The following PPP2R3A variants were observed in gnomAD, a reference collection of about 807,000 sequenced individuals.
The protein encoded by PPP2R3A is protein phosphatase 2 regulatory subunit B''alpha.
In PPP2R3A, 80 loss-of-function variants were observed where a neutral mutation model predicts 106.9. The ratio of observed to expected loss-of-function variants is 0.75; its 90% CI spans 0.62 to 0.90. PPP2R3A has a LOEUF of 0.90. Among genes scored for constraint, PPP2R3A ranks in the 40% least tolerant of loss-of-function variants. The probability of loss-of-function intolerance (pLI) is 0.00; values close to 1 mark genes in which losing one functional copy is unlikely to be tolerated. For missense variants in PPP2R3A, 1,386 were observed against 1,350.4 expected (o/e 1.03, Z -0.41); for synonymous variants, 483 against 468.3 (o/e 1.03, Z -0.41).
At chr3:136,061,926 CAAAAA>C (rs369373163) in intron 5 of PPP2R3A, among the ~76,000 whole-genome samples, 1 of 84,164 alleles carries the variant, frequency 1.2e-5, no homozygotes, top group Admixed American at 1.4e-4. Context: ...GACTCTATCT[CAAAAA>C]AAAAAAAAAA....
intron 2 of PPP2R3A, among the ~76,000 whole-genome samples, chr3:136,008,539 T>G (rs532816975): frequency 6.6e-6 from 1 of 152,292 alleles, no homozygotes; most frequent in African/African-American, 2.4e-5. Context: ...CTCAAATATG[T>G]CCCCACCTAT....
intron 10 of PPP2R3A, among the ~76,000 whole-genome samples, chr3:136,098,342 A>G (rs1246590393): frequency 2.0e-5 from 3 of 152,218 alleles, no homozygotes; most frequent in Non-Finnish European, 4.4e-5. Flanking sequence ...AAACTTTTCA[A>G]GTATTACATG....
chr3:136,078,475 A>G (rs761405082), intron 7 of PPP2R3A, 22 bp downstream of exon 7: 6 of 1,403,628 alleles, frequency 4.3e-6, no homozygotes, highest in Non-Finnish European at 6.0e-6. Flanking sequence ...ATTAGAATTC[A>G]TGTGTAATGA....
At chr3:135,976,860 T>C (rs917042566) in intron 1 of PPP2R3A, among the ~76,000 whole-genome samples, 2 of 152,152 alleles carry the variant, frequency 1.3e-5, no homozygotes, top group African/African-American at 4.8e-5. Context: ...GTGAATAGTG[T>C]GAGGGAAGAA....
intron 5 of PPP2R3A, chr3:136,055,353 T>C (rs534456105): frequency 1.2e-5 from 11 of 951,646 alleles, no homozygotes; most frequent in South Asian, 1.0e-4. Flanking sequence ...TCTAAGAGTT[T>C]AGTTGCTACC....
chr3:136,001,128 C>G lies in PPP2R3A; in HGVS notation c.-371C>G. ...AGGACTCAGTTATCACAATACTTCT[C>G]TACTACCAACTAAGATTTATGATAG... is the stretch of plus-strand genomic sequence containing the variant. On this transcript the variant is annotated 5_prime_UTR_variant, in exon 2 of 14. Coordinates refer to ENST00000264977, the MANE Select transcript of PPP2R3A (RefSeq NM_002718.5). 2.5e-6 allele frequency: 1 copy of G among 403,510 alleles called. No individual in the cohort carries two copies. The highest frequency in any genetic ancestry group is 4.4e-6 in the Non-Finnish European group (1 of 229,472). The allele number at this position is 403,510 out of a possible 1,614,324, so 25.0% of individuals were successfully genotyped here.
chr3:136,142,161 A>G (rs758457506), intron 13 of PPP2R3A, among the ~76,000 whole-genome samples: 1 of 152,212 alleles, frequency 6.6e-6, no homozygotes, highest in Non-Finnish European at 1.5e-5. Context: ...GTACAAAACG[A>G]GAAGAGCTTA....
intron 2 of PPP2R3A, among the ~76,000 whole-genome samples, chr3:136,015,015 C>T (rs944518909): frequency 6.6e-6 from 1 of 152,012 alleles, no homozygotes; most frequent in African/African-American, 2.4e-5. Context: ...GCCGATTTTG[C>T]TGAGGTTTTA....
intron 13 of PPP2R3A, among the ~76,000 whole-genome samples, chr3:136,129,940 A>G (rs938355399): frequency 6.6e-6 from 1 of 152,232 alleles, no homozygotes; most frequent in African/African-American, 2.4e-5. Flanking sequence ...TAGATGCAGA[A>G]AAGGCCTTCA....
chr3:136,135,617 A>T, intron 13 of PPP2R3A, among the ~76,000 whole-genome samples: 1 of 151,968 alleles, frequency 6.6e-6, no homozygotes, highest in East Asian at 1.9e-4. Flanking sequence ...AGGTTACTTG[A>T]CTCCTGAGGC....
intron 1 of PPP2R3A, among the ~76,000 whole-genome samples, chr3:135,970,841 G>A (rs551738438): frequency 6.6e-6 from 1 of 152,260 alleles, no homozygotes; most frequent in East Asian, 1.9e-4. Flanking sequence ...CACGTTCTTA[G>A]GGGTCTTGTT....
chr3:135,967,876 T>C (rs997675908), intron 1 of PPP2R3A, among the ~76,000 whole-genome samples: 40 of 152,246 alleles, frequency 2.6e-4, no homozygotes, highest in African/African-American at 9.2e-4. Flanking sequence ...TGTGGAGGGC[T>C]ATCATGTGCA....
At chr3:136,070,592 G>A (rs1293291783) in intron 6 of PPP2R3A, 40 bp downstream of exon 6, 12 of 1,523,304 alleles carry the variant, frequency 7.9e-6, no homozygotes, top group Non-Finnish European at 1.1e-5. Context: ...AACTCCATAA[G>A]TCACCTTTTT....
At chr3:136,070,639 C>A in intron 6 of PPP2R3A, 87 bp downstream of exon 6, 1 of 1,030,066 alleles carries the variant, frequency 9.7e-7, no homozygotes, top group Non-Finnish European at 1.4e-6. Context: ...AGTATCTATG[C>A]AAAAGGTAAC....
chr3:136,077,709 T>G (rs913535548), intron 6 of PPP2R3A, among the ~76,000 whole-genome samples: 1 of 152,132 alleles, frequency 6.6e-6, no homozygotes, highest in Non-Finnish European at 1.5e-5. Flanking sequence ...AGCACACACA[T>G]CCTCAATCTA....
chr3:136,135,534 G>A (rs905159716), intron 13 of PPP2R3A, among the ~76,000 whole-genome samples: 2 of 152,088 alleles, frequency 1.3e-5, no homozygotes, highest in African/African-American at 4.8e-5. Flanking sequence ...TATCAGAAAG[G>A]GAGGAATGTT....
intron 2 of PPP2R3A, chr3:136,023,220 T>C: frequency 6.6e-7 from 1 of 1,524,456 alleles, no homozygotes; most frequent in Non-Finnish European, 8.9e-7. Flanking sequence ...TTTGGGTGTT[T>C]TGTTTTGTTT....
At chr3:136,031,174 A>G (rs1934876671) in intron 3 of PPP2R3A, among the ~76,000 whole-genome samples, 1 of 152,064 alleles carries the variant, frequency 6.6e-6, no homozygotes, top group Non-Finnish European at 1.5e-5. Context: ...AGGTGGTATC[A>G]CATTGTGGTT....
At chr3:135,974,606 C>T (rs1425276335) in intron 1 of PPP2R3A, among the ~76,000 whole-genome samples, 1 of 152,212 alleles carries the variant, frequency 6.6e-6, no homozygotes, top group Non-Finnish European at 1.5e-5. Flanking sequence ...AGGTATGTTC[C>T]TTCCACAGGA....
Sources: allele counts gnomAD v4.1 joint callset (sites outside exome capture counted in the v4.1 genomes callset), GRCh38; gene constraint gnomAD v4.1.1; transcripts MANE v1.5; gene names NCBI Gene and HGNC (gene_info 2026-07-23, HGNC 2026-07-21).